Variants in PTPRT observed in about 807,000 individuals in gnomAD.
The protein encoded by PTPRT is receptor-type tyrosine-protein phosphatase T.
Under a neutral mutation model 176.8 loss-of-function variants are expected in PTPRT, and 56 were observed. That is an observed-to-expected ratio of 0.32 (90% CI 0.26 to 0.40). PTPRT has a LOEUF of 0.40. Among genes scored for constraint, PTPRT ranks in the 10% least tolerant of loss-of-function variants. The pLI is 1.00. For synonymous variants in PTPRT, 783 were observed against 739.0 expected, an observed-to-expected ratio of 1.06 and a Z score of -0.96; for missense variants, 1,540 against 1,908.2, an observed-to-expected ratio of 0.81 and a Z score of 3.60.
At chr20:42,934,154 G>T (rs1411121356) in intron 1 of PTPRT, among the ~76,000 whole-genome samples, 1 of 152,150 alleles carries the variant, frequency 6.6e-6, no homozygotes, top group Non-Finnish European at 1.5e-5. Context: ...TCTCATTACG[G>T]CGTTGCTAAC....
intron 1 of PTPRT, among the ~76,000 whole-genome samples, chr20:42,944,941 A>T (rs1342130789): frequency 6.6e-6 from 1 of 151,806 alleles, no homozygotes; most frequent in Non-Finnish European, 1.5e-5. Flanking sequence ...AGCTCAATAA[A>T]CTCACTGTAT....
chr20:42,154,014 A>G (rs749278455), intron 17 of PTPRT, among the ~76,000 whole-genome samples: 1 of 152,078 alleles, frequency 6.6e-6, no homozygotes, highest in South Asian at 2.1e-4. Flanking sequence ...TCTTTTTTCA[A>G]TCTGGAGGTG....
chr20:42,739,177 G>A (rs1029660267), intron 6 of PTPRT, among the ~76,000 whole-genome samples: 2 of 152,186 alleles, frequency 1.3e-5, no homozygotes, highest in African/African-American at 4.8e-5. Flanking sequence ...CTCGACCCCT[G>A]CACCTGAGAG....
intron 4 of PTPRT, among the ~76,000 whole-genome samples, chr20:42,774,081 G>C (rs2077100100): frequency 6.6e-6 from 1 of 152,134 alleles, no homozygotes. Flanking sequence ...GATGTTTAAT[G>C]GCTCCTAGTG....
rs6030086 is a variant in PTPRT at position 42,247,156 on chromosome 20, C to T, written c.2312+1531G>A. On this transcript the variant is annotated intron_variant, in intron 14 of 30. Transcript: ENST00000373187. ...AGAAAATCAGTAGATGGAGGAGAAC[C>T]TTAGCTCTTAAGCCATTGTGCTGGG... is the stretch of plus-strand genomic sequence containing the variant. Among the ~76,000 whole-genome samples, 24 of 152,262 alleles carry T rather than the reference C, an allele frequency of 1.6e-4. No individual in the cohort carries two copies. The East Asian group carries it at 4.6e-3, about 29-fold the overall frequency.
chr20:42,725,549 T>C (rs1427028392), intron 6 of PTPRT, among the ~76,000 whole-genome samples: 2 of 152,058 alleles, frequency 1.3e-5, no homozygotes, highest in Non-Finnish European at 2.9e-5. Flanking sequence ...GTCTTGTTTG[T>C]GCATGCAAAG....
rs147885246 is a variant in PTPRT at position 42,608,355 on chromosome 20, G to A, written c.1153+69511C>T. 5.2e-3 allele frequency among the ~76,000 whole-genome samples: 799 copies of A among 152,260 alleles called. 1 individual carries two copies. The highest frequency in any genetic ancestry group is 0.014 in the South Asian group (67 of 4,822). On this transcript the variant is annotated intron_variant, in intron 7 of 30. Coordinates refer to ENST00000373187, the MANE Select transcript of PTPRT (RefSeq NM_007050.6). The stretch of plus-strand genomic sequence containing the variant: ...TATGAGGTCTCTGGAAACCCAGAAC[G>A]TGATGTAAATACCCGTGCTGTCAAA...
the PTPRT span, among the ~76,000 whole-genome samples, chr20:42,051,369 G>T: frequency 6.6e-6 from 1 of 152,192 alleles, no homozygotes; most frequent in African/African-American, 2.4e-5. Context: ...GCTTATTTGC[G>T]TGGTGACCCC....
At chr20:42,685,660 T>G (rs997326003) in intron 6 of PTPRT, 1 of 152,222 alleles carries the variant, frequency 6.6e-6, no homozygotes, top group Non-Finnish European at 1.5e-5. Context: ...AAATCTCATC[T>G]ACCTAAGCTT....
intron 6 of PTPRT, among the ~76,000 whole-genome samples, chr20:42,697,634 T>C (rs967992208): frequency 6.6e-6 from 1 of 152,232 alleles, no homozygotes; most frequent in African/African-American, 2.4e-5. Flanking sequence ...AAGCATCACT[T>C]AATAATAAAG....
In PTPRT at chr20:42,085,979, C is replaced by T. The variant is rs750140402; in HGVS notation, c.3847-126G>A. On this transcript the variant is annotated intron_variant, in intron 27 of 30. Transcript: ENST00000373187. ...TTTTTTTTTTTGAGATGGAGCATCA[C>T]TCTTGTTGCCCAGCCTGGAGTGCAT... 500 of 1,177,948 alleles carry T rather than the reference C, an allele frequency of 4.2e-4. 1 individual carries two copies. In the Middle Eastern group the frequency reaches 0.011, roughly 26 times the overall value. The allele number at this position is 1,177,948 out of a possible 1,614,324, so 73.0% of individuals were successfully genotyped here.
At chr20:42,086,387 G>A (rs1440902793) in intron 27 of PTPRT, among the ~76,000 whole-genome samples, 1 of 152,026 alleles carries the variant, frequency 6.6e-6, no homozygotes, top group Non-Finnish European at 1.5e-5. Context: ...AGAAACACTG[G>A]GCTTGCAAAT....
intron 18 of PTPRT, among the ~76,000 whole-genome samples, chr20:42,136,030 C>G (rs1246077932): frequency 6.6e-6 from 1 of 152,042 alleles, no homozygotes; most frequent in East Asian, 1.9e-4. Context: ...CTCTTTCATA[C>G]AGTTCTAACT....
chr20:42,786,325 C>G (rs1250591520), intron 3 of PTPRT, among the ~76,000 whole-genome samples: 1 of 152,170 alleles, frequency 6.6e-6, no homozygotes, highest in Non-Finnish European at 1.5e-5. Flanking sequence ...ACCTAATATC[C>G]TCTCCATTCT....
At chr20:42,071,199 G>C (rs1982317263), downstream of PTPRT, among the ~76,000 whole-genome samples, 1 of 152,174 alleles carries the variant, frequency 6.6e-6, no homozygotes, top group African/African-American at 2.4e-5. Context: ...CACCCCTGCG[G>C]CTTGTGTTTC....
At chr20:42,818,454 A>G (rs187652116) in intron 2 of PTPRT, among the ~76,000 whole-genome samples, 10 of 152,344 alleles carry the variant, frequency 6.6e-5, no homozygotes, top group Admixed American at 3.9e-4. Context: ...AAAAATGCTG[A>G]AAACACAAAA....
At chr20:42,111,318 T>C (rs1040595784) in intron 22 of PTPRT, among the ~76,000 whole-genome samples, 9 of 152,154 alleles carry the variant, frequency 5.9e-5, no homozygotes, top group East Asian at 3.9e-4. Flanking sequence ...CATTCCTTCA[T>C]TGAAAAATCA....
intron 1 of PTPRT, among the ~76,000 whole-genome samples, chr20:42,953,637 AAGAG>A (rs2146022543): frequency 6.6e-6 from 1 of 152,286 alleles, no homozygotes; most frequent in African/African-American, 2.4e-5. Context: ...CAGCACTCAG[AAGAG>A]TCAGCCATCT....
chr20:42,341,986 G>A lies in PTPRT; in HGVS notation c.1865+8642C>T, dbSNP rs1316861249. On this transcript the variant is annotated intron_variant, in intron 11 of 30. Transcript: ENST00000373187. ...CTTGGTAAGCTGAGTTGTTGGTGGA[G>A]GAAGGAGCCTTATAAAAGGGGACCT... Among the ~76,000 whole-genome samples, 3 of 152,254 alleles carry A rather than the reference G, an allele frequency of 2.0e-5. No individual in the cohort carries two copies. The East Asian group carries it at 5.8e-4, about 29-fold the overall frequency.
Sources: gnomAD v4.1 joint callset for allele counts (sites outside exome capture counted in the v4.1 genomes callset) on GRCh38, gnomAD v4.1.1 for gene constraint, MANE v1.5 for transcripts, NCBI Gene and HGNC (gene_info 2026-07-23, HGNC 2026-07-21) for gene names.